Variants in HMCN2 observed in about 807,000 individuals in gnomAD.
HMCN2 encodes the protein hemicentin 2, also known as hemicentin-2.
A neutral mutation model predicts 377.5 loss-of-function variants in HMCN2; 325 were observed. The ratio of observed to expected loss-of-function variants is 0.86; its 90% CI spans 0.79 to 0.94. HMCN2 has a LOEUF of 0.94. Among genes scored for constraint, HMCN2 ranks in the 40% least tolerant of loss-of-function variants. The probability of loss-of-function intolerance (pLI) is 0.00; values close to 1 mark genes in which losing one functional copy is unlikely to be tolerated. For synonymous variants in HMCN2, 2,007 were observed against 2,046.8 expected (o/e 0.98, Z 0.53); for missense variants, 4,543 against 4,725.3 (o/e 0.96, Z 1.13).
chr9:130,378,137 C>A (rs945810205), intron 53 of HMCN2, among the ~76,000 whole-genome samples: 1 of 151,882 alleles, frequency 6.6e-6, no homozygotes. Flanking sequence ...AATCTCTGGT[C>A]GAGAGTAAGC....
At position 130,268,849 on chromosome 9, in the gene HMCN2, G is replaced by A. The variant is rs576598706; in HGVS notation, c.259+2712G>A. Among the ~76,000 whole-genome samples the A allele has an allele frequency of 8.1e-5, 12 of 148,836 alleles. 1 individual carries two copies. Among genetic ancestry groups the A allele is most frequent in the African/African-American group, 2.7e-4 (11 of 41,326 alleles). On this transcript the variant is annotated intron_variant, in intron 1 of 97. Transcript: ENST00000683500. ...GGGAAGGGCAAGATTGGACACAGCC[G>A]TGAGTGCAGGGCCGATTGATGCCTT...
intron 40 of HMCN2, 66 bp from the exon 41 acceptor site, chr9:130,364,648 T>G (rs1398362073): frequency 1.1e-6 from 1 of 871,362 alleles, no homozygotes; most frequent in African/African-American, 1.8e-5. Context: ...TGACCCAGGG[T>G]GTGGCCCCTC....
At chr9:130,408,145 C>G in intron 83 of HMCN2, among the ~76,000 whole-genome samples, 1 of 152,184 alleles carries the variant, frequency 6.6e-6, no homozygotes, top group East Asian at 1.9e-4. Flanking sequence ...GACAACGTGT[C>G]TTAGTTTGCA....
intron 53 of HMCN2, among the ~76,000 whole-genome samples, chr9:130,378,021 T>A (rs1049182752): frequency 6.6e-6 from 1 of 152,104 alleles, no homozygotes; most frequent in Non-Finnish European, 1.5e-5. Flanking sequence ...ACCACAGAAT[T>A]GAGTGGTGGA....
chr9:130,302,905 A>T lies in HMCN2; in HGVS notation c.1325A>T (p.Gln442Leu). The T allele has an allele frequency of 4.3e-6, 2 of 470,586 alleles. No individual in the cohort carries two copies. Among genetic ancestry groups the T allele is most frequent in the Non-Finnish European group, 8.8e-6 (2 of 226,650 alleles). The allele number at this position is 470,586 out of a possible 1,614,324, so 29.2% of individuals were successfully genotyped here. Residue 442 changes from glutamine to leucine, a missense_variant, in exon 9 of 98, where the codon CAG becomes CTG. Gln to Leu is a moderately radical substitution (Grantham distance 113). Coordinates refer to ENST00000683500, the MANE Select transcript of HMCN2 (RefSeq NM_001291815.2). ...CCCAGGATCCATGGCTACCTGCACCAGCCCCTGCTGGTCTCCTGCTCGGTG... is the reference window on the plus strand; with the variant it reads ...CCCAGGATCCATGGCTACCTGCACCTGCCCCTGCTGGTCTCCTGCTCGGTG... ...MAPRIHGYLH[Q>L]PLLVSCSVHS... is the part of the protein sequence containing the mutation.
At chr9:130,429,003 C>G (rs1396842525) in intron 93 of HMCN2, among the ~76,000 whole-genome samples, 2 of 152,218 alleles carry the variant, frequency 1.3e-5, no homozygotes, top group African/African-American at 4.8e-5. Flanking sequence ...CCACCCGGCT[C>G]CTCTGAGAGA....
intron 1 of HMCN2, among the ~76,000 whole-genome samples, chr9:130,277,012 G>A (rs1834730244): frequency 6.6e-6 from 1 of 152,266 alleles, no homozygotes; most frequent in Admixed American, 6.5e-5. Flanking sequence ...CTGAGACTGG[G>A]TTCTGAGTGC....
chr9:130,422,537 G>C lies in HMCN2; in HGVS notation c.13232-40G>C. The C allele has an allele frequency of 7.7e-7, 1 of 1,292,182 alleles. No homozygotes were observed. Among genetic ancestry groups the C allele is most frequent in the Non-Finnish European group, 9.9e-7 (1 of 1,012,138 alleles). 80.0% of individuals were successfully genotyped at this position (1,292,182 alleles called of 1,614,324 possible). The stretch of plus-strand genomic sequence containing the variant: ...CTGCTTGTGCTGTGGGCCCCGGGGT[G>C]GATAGTCAGTGGCACTGTCATTCTT... On this transcript the variant is annotated intron_variant, in intron 86 of 97. Transcript: ENST00000683500. The surrounding 1 kb of genome is among the most constrained non-coding windows in gnomAD (Gnocchi z 4.2).
At chr9:130,274,824 A>G (rs1834597973) in intron 1 of HMCN2, among the ~76,000 whole-genome samples, 1 of 152,058 alleles carries the variant, frequency 6.6e-6, no homozygotes, top group African/African-American at 2.4e-5. Flanking sequence ...GATCCTCCCC[A>G]TTGTTTTTAA....
intron 71 of HMCN2, 133 bp from the exon 72 acceptor site, chr9:130,395,791 G>A: frequency 1.1e-6 from 1 of 951,894 alleles, no homozygotes; most frequent in Non-Finnish European, 1.4e-6. Flanking sequence ...CACAGTCAGG[G>A]CCTGCGGTCA....
chr9:130,302,047 TGC>T (rs1836542113), intron 8 of HMCN2, among the ~76,000 whole-genome samples: 1 of 119,328 alleles, frequency 8.4e-6, no homozygotes, highest in Non-Finnish European at 1.6e-5. Flanking sequence ...CCTCTAGCTG[TGC>T]TTTTTTTTTT....
chr9:130,403,378 C>G, intron 79 of HMCN2, 50 bp downstream of exon 79: 1 of 1,284,962 alleles, frequency 7.8e-7, no homozygotes, highest in Non-Finnish European at 1.0e-6. Context: ...GAGCGTGGGT[C>G]TGGGCAGGGG....
rs957513732 is a variant in HMCN2 at position 130,392,944 on chromosome 9, C to A, written c.10137-268C>A. 5.9e-5 allele frequency among the ~76,000 whole-genome samples: 9 copies of A among 151,548 alleles called. No homozygotes were observed. The South Asian group carries it at 1.7e-3, about 28-fold the overall frequency. On this transcript the variant is annotated intron_variant, in intron 66 of 97. Coordinates refer to ENST00000683500, the MANE Select transcript of HMCN2 (RefSeq NM_001291815.2). The stretch of plus-strand genomic sequence containing the variant: ...CCGGGAGGCGGAGCTTGCAGTGAGC[C>A]GAGATCGTGCCACTGCACTCCAGCC...
intron 4 of HMCN2, among the ~76,000 whole-genome samples, chr9:130,293,278 A>ATTTTTTTTTTTTT (rs1554930691): frequency 6.7e-5 from 2 of 30,018 alleles, no homozygotes; most frequent in African/African-American, 2.3e-4. Flanking sequence ...TACTCACTAA[A>ATTTTTTTTTTTTT]GTTTTTTTTT....
chr9:130,358,766 C>T (rs1278179634), intron 36 of HMCN2, among the ~76,000 whole-genome samples: 1 of 152,012 alleles, frequency 6.6e-6, no homozygotes, highest in East Asian at 1.9e-4. Flanking sequence ...CTCCGCCTGC[C>T]GGGTTCACGC....
At position 130,351,427 on chromosome 9, in the gene HMCN2, G is replaced by C; in HGVS notation, c.4435G>C (p.Val1479Leu). Residue 1479 changes from valine to leucine, a missense_variant, in exon 30 of 98, where the codon GTC becomes CTC. By Grantham distance (32) the Val-to-Leu change is conservative. Coordinates refer to ENST00000683500, the MANE Select transcript of HMCN2 (RefSeq NM_001291815.2). This position sits in a 1 kb window ranked among gnomAD's most constrained non-coding sequence, Gnocchi z 5.4. ...TTCCCTTGCCCGTCTCTCCAGGCCT[G>C]TCCTTCCGGGAGGCCCTCACCTGCA... ...QVEWTKDRQP[V>L]LPGGPHLQVQ... 2.3e-6 allele frequency: 3 copies of C among 1,303,972 alleles called. No homozygotes were observed. Among genetic ancestry groups the C allele is most frequent in the Non-Finnish European group, 3.0e-6 (3 of 988,774 alleles). The allele number at this position is 1,303,972 out of a possible 1,614,324, so 80.8% of individuals were successfully genotyped here. A position where few individuals can be genotyped will look rare whatever the true frequency, so the allele number is the denominator to read the frequency against.
At position 130,403,316 on chromosome 9, in the gene HMCN2, A is replaced by G. The variant is rs774850229; in HGVS notation, c.12001A>G (p.Asn4001Asp). 14 of 1,289,782 alleles carry G rather than the reference A, an allele frequency of 1.1e-5. No homozygotes were observed. Among genetic ancestry groups the G allele is most frequent in the African/African-American group, 1.5e-5 (1 of 65,868 alleles). The allele number at this position is 1,289,782 out of a possible 1,614,324, so 79.9% of individuals were successfully genotyped here. Reference sequence around the variant, plus strand: ...CATCACCTGGCAGAAGGAAGGGCTCAACGTCGCTACTGGTGAGGGCCCCTG... The same window carrying G: ...CATCACCTGGCAGAAGGAAGGGCTCGACGTCGCTACTGGTGAGGGCCCCTG... Reference protein sequence around the residue: ...PTITWQKEGLNVATGVSTQVL... With the variant: ...PTITWQKEGLDVATGVSTQVL... The change falls in exon 79 of 98, where the codon AAC (asparagine) becomes GAC (aspartate). Residue 4001 changes from asparagine (N) to aspartate (D), a missense_variant. Transcript: ENST00000683500.
chr9:130,433,569 G>T lies in HMCN2; in HGVS notation c.15116G>T (p.Gly5039Val), dbSNP rs1281239017. The T allele has an allele frequency of 6.8e-7, 1 of 1,478,532 alleles. No individual in the cohort carries two copies. Among genetic ancestry groups the T allele is most frequent in the Non-Finnish European group, 8.9e-7 (1 of 1,119,266 alleles). 91.6% of individuals were successfully genotyped at this position (1,478,532 alleles called of 1,614,324 possible). A position where few individuals can be genotyped will look rare whatever the true frequency, so the allele number is the denominator to read the frequency against. The change falls in exon 98 of 98, where the codon GGC (glycine) becomes GTC (valine). Residue 5039 changes from glycine (G) to valine (V), a missense_variant. Coordinates refer to ENST00000683500, the MANE Select transcript of HMCN2 (RefSeq NM_001291815.2). ...CTGCGTCCGCTGCGCGCGGGCCTTG[G>T]CGCGGTCTACACCCGTCGCGCGCTC... ...FALRPLRAGL[G>V]AVYTRRALTR...
intron 1 of HMCN2, among the ~76,000 whole-genome samples, chr9:130,270,305 TTCC>T (rs1196410663): frequency 8.4e-5 from 12 of 142,360 alleles, no homozygotes; most frequent in African/African-American, 2.8e-4. Context: ...GTTTTTTTTT[TTCC>T]CTATCACAAA....
Sources: gnomAD v4.1 joint callset for allele counts (sites outside exome capture counted in the v4.1 genomes callset) on GRCh38, gnomAD v4.1.1 for gene constraint, Gnocchi (gnomAD v3.1) non-coding constraint, MANE v1.5 for transcripts, NCBI Gene and HGNC (gene_info 2026-07-23, HGNC 2026-07-21) for gene names.